DCAF1: variants seen among roughly 807,000 people sequenced by gnomAD.
DCAF1 encodes the protein DDB1 and CUL4 associated factor 1.
In DCAF1, 15 loss-of-function variants were observed where a neutral mutation model predicts 128.0. The observed-to-expected ratio is 0.12, with a 90% CI of 0.08 to 0.18. The LOEUF is 0.18. Ranked by LOEUF, DCAF1 falls within the 10% of genes least tolerant of loss-of-function variation. The probability of loss-of-function intolerance (pLI) is 1.00; values close to 1 mark genes in which losing one functional copy is unlikely to be tolerated. For missense variants in DCAF1, 988 were observed against 1,649.5 expected, an observed-to-expected ratio of 0.60 and a Z score of 6.95; for synonymous variants, 610 against 603.0, an observed-to-expected ratio of 1.01 and a Z score of -0.17.
rs1698212979 is a variant in DCAF1, at chr3:51,409,556, T to G, written c.4212+2823A>C. Among the ~76,000 whole-genome samples, 3 of 152,312 alleles carry G rather than the reference T, an allele frequency of 2.0e-5. No homozygotes were observed. In the South Asian group the frequency reaches 6.2e-4, roughly 32 times the overall value. On this transcript the variant is annotated intron_variant, in intron 23 of 24. Coordinates refer to ENST00000684031, the MANE Select transcript of DCAF1 (RefSeq NM_001387579.1). ...TCCAGTTTTGGCCTCAGATTTATGC[T>G]TCAACATGTAACATCCAAGAAGCCT...
In DCAF1 at chr3:51,447,549, T is replaced by C. The variant is rs192213686; in HGVS notation, c.376-3646A>G. On this transcript the variant is annotated intron_variant, in intron 6 of 24. Coordinates refer to ENST00000684031, the MANE Select transcript of DCAF1 (RefSeq NM_001387579.1). ...CTTTGTGCCCTTTTTCCAAACAGTATAAGAAACTTAAAATATTAATTCTAT... is the reference window on the plus strand; with the variant it reads ...CTTTGTGCCCTTTTTCCAAACAGTACAAGAAACTTAAAATATTAATTCTAT... Among the ~76,000 whole-genome samples, 7 of 152,344 alleles carry C rather than the reference T, an allele frequency of 4.6e-5. No homozygotes were observed. In the East Asian group the frequency reaches 1.3e-3, roughly 29 times the overall value.
intron 3 of DCAF1, among the ~76,000 whole-genome samples, chr3:51,479,510 T>C (rs1248741964): frequency 1.4e-5 from 2 of 145,418 alleles, no homozygotes; most frequent in African/African-American, 2.6e-5. Context: ...CTATTATAGC[T>C]GGGCACGGTG....
Position 51,420,675 on chromosome 3 carries a change from C to T in DCAF1, c.2295G>A (p.Leu765=). ...TCTGCCGGACAGTGCTACTGCGAGA[C>T]AGGCCCACTAGGGCTTTGCAGGCCA... is the stretch of plus-strand genomic sequence containing the variant. The part of the protein sequence containing the change: ...RALACKALVG[L]SRSSTVRQII... Residue 765 remains leucine (L), a synonymous_variant, in exon 15 of 25, where the codon CTG becomes CTA. Transcript: ENST00000684031. This position sits in a 1 kb window ranked among gnomAD's most constrained non-coding sequence, Gnocchi z 6.5. The T allele has an allele frequency of 6.2e-7, 1 of 1,614,074 alleles. No individual in the cohort carries two copies.
At chr3:51,446,063 G>C (rs528895435) in intron 6 of DCAF1, among the ~76,000 whole-genome samples, 2 of 143,962 alleles carry the variant, frequency 1.4e-5, no homozygotes, top group Admixed American at 1.5e-4. Flanking sequence ...GCGCAATCTC[G>C]ACTCAGTGCA....
At chr3:51,461,176 A>G (rs1403464153) in intron 6 of DCAF1, among the ~76,000 whole-genome samples, 1 of 152,006 alleles carries the variant, frequency 6.6e-6, no homozygotes, top group Non-Finnish European at 1.5e-5. Context: ...ACAAAGGGCT[A>G]ATATCCAGAA....
chr3:51,455,150 C>A lies in DCAF1; in HGVS notation c.375+7964G>T, dbSNP rs1394937148. 2.0e-5 allele frequency among the ~76,000 whole-genome samples: 3 copies of A among 152,162 alleles called. No individual in the cohort carries two copies. The East Asian group carries it at 5.8e-4, about 29-fold the overall frequency. ...CATGTTGCTAACAAAATATTCCAAG[C>A]CCCTACAACAAAACACAGCACAAAA... On this transcript the variant is annotated intron_variant, in intron 6 of 24. Transcript: ENST00000684031.
intron 20 of DCAF1, among the ~76,000 whole-genome samples, chr3:51,413,696 T>C (rs1285446570): frequency 6.6e-6 from 1 of 152,232 alleles, no homozygotes; most frequent in Non-Finnish European, 1.5e-5. Context: ...AATGATACAC[T>C]GGAAAATACT....
intron 3 of DCAF1, among the ~76,000 whole-genome samples, chr3:51,474,682 A>C (rs890976650): frequency 2.6e-5 from 4 of 151,250 alleles, no homozygotes; most frequent in Admixed American, 6.6e-5. Flanking sequence ...GCGCAGTGGC[A>C]CAATCGTACC....
At position 51,443,802 on chromosome 3, in the gene DCAF1, G is replaced by C. The variant is rs1307479748; in HGVS notation, c.477C>G (p.Asp159Glu). Reference sequence around the variant, plus strand: ...TTTCATCTCTATAGTTGGCAGCAATGTCTTGATTTTCCATAGCACCTCCTA... The same window carrying C: ...TTTCATCTCTATAGTTGGCAGCAATCTCTTGATTTTCCATAGCACCTCCTA... ...GLLGGAMENQ[D>E]IAANYRDENS... is the part of the protein sequence containing the mutation. The change falls in exon 7 of 25, where the codon GAC (aspartate) becomes GAG (glutamate). Residue 159 changes from aspartate (D) to glutamate (E), a missense_variant. Transcript: ENST00000684031. The C allele has an allele frequency of 6.2e-7, 1 of 1,612,258 alleles. No individual in the cohort carries two copies. Among genetic ancestry groups the C allele is most frequent in the Non-Finnish European group, 8.5e-7 (1 of 1,179,530 alleles).
intron 3 of DCAF1, among the ~76,000 whole-genome samples, chr3:51,479,823 T>A (rs868969332): frequency 2.6e-5 from 4 of 151,896 alleles, no homozygotes; most frequent in East Asian, 3.9e-4. Context: ...AAAATAAAAT[T>A]ATAGTACAAT....
intron 23 of DCAF1, 87 bp downstream of exon 23, chr3:51,412,292 A>C: frequency 3.8e-6 from 6 of 1,570,546 alleles, no homozygotes; most frequent in Non-Finnish European, 5.2e-6. Flanking sequence ...AAGGTTGAGT[A>C]GACCTTTAAA....
At chr3:51,468,194 TG>T (rs1446661628) in intron 4 of DCAF1, among the ~76,000 whole-genome samples, 1 of 152,172 alleles carries the variant, frequency 6.6e-6, no homozygotes, top group African/African-American at 2.4e-5. Context: ...TGTTCTGAGA[TG>T]GAGTCTTGTT....
intron 2 of DCAF1, among the ~76,000 whole-genome samples, chr3:51,490,178 G>A (rs1553657305): frequency 6.6e-6 from 1 of 152,186 alleles, no homozygotes; most frequent in African/African-American, 2.4e-5. Flanking sequence ...AACTTTAGGA[G>A]GCCAAGGTGG....
intron 6 of DCAF1, among the ~76,000 whole-genome samples, chr3:51,454,787 C>T (rs1440534720): frequency 6.6e-6 from 1 of 152,126 alleles, no homozygotes; most frequent in African/African-American, 2.4e-5. Flanking sequence ...CATTCTCCTG[C>T]CTCAGCCTCC....
chr3:51,464,142 A>ATCACATCTGGCCCCCAC (rs1409283165), intron 5 of DCAF1, among the ~76,000 whole-genome samples: 2 of 152,116 alleles, frequency 1.3e-5, no homozygotes, highest in African/African-American at 2.4e-5. Context: ...GGCATGAGCC[A>ATCACATCTGGCCCCCAC]TCACATCTGG....
chr3:51,470,907 C>T, intron 4 of DCAF1, 22 bp downstream of exon 4: 1 of 1,521,518 alleles, frequency 6.6e-7, no homozygotes, highest in East Asian at 2.3e-5. Context: ...AAAAGACCCA[C>T]ACTTAAGAGC....
chr3:51,462,788 T>C (rs1703750323), intron 6 of DCAF1, among the ~76,000 whole-genome samples: 1 of 147,922 alleles, frequency 6.8e-6, no homozygotes, highest in Non-Finnish European at 1.5e-5. Flanking sequence ...AAACAACAAG[T>C]ATTTGTCAAA....
intron 2 of DCAF1, among the ~76,000 whole-genome samples, chr3:51,494,837 C>A (rs1216154934): frequency 6.6e-6 from 1 of 152,114 alleles, no homozygotes; most frequent in Non-Finnish European, 1.5e-5. Context: ...GGATTGTAGA[C>A]ATGAGCCACC....
At chr3:51,473,425 C>G in intron 3 of DCAF1, among the ~76,000 whole-genome samples, 1 of 74,168 alleles carries the variant, frequency 1.3e-5, no homozygotes, top group Non-Finnish European at 2.5e-5. Context: ...ACTTTCTAGT[C>G]TTTTTTTTTT....
Sources: gnomAD v4.1 joint callset for allele counts (sites outside exome capture counted in the v4.1 genomes callset) on GRCh38, gnomAD v4.1.1 for gene constraint, Gnocchi (gnomAD v3.1) non-coding constraint, MANE v1.5 for transcripts, NCBI Gene and HGNC (gene_info 2026-07-23, HGNC 2026-07-21) for gene names.